Variants in PRELID2 observed in about 807,000 individuals in gnomAD.
The protein encoded by PRELID2 is PRELI domain-containing protein 2.
PRELID2 carries 25 observed loss-of-function variants against 28.4 expected under a neutral mutation model. The ratio of observed to expected loss-of-function variants is 0.88; its 90% CI spans 0.64 to 1.23. The LOEUF (loss-of-function observed/expected upper bound fraction) is 1.23. Ranked by LOEUF, PRELID2 falls within the 50% of genes most tolerant of loss-of-function variation. PRELID2 has a pLI of 0.00. For synonymous variants in PRELID2, 76 were observed against 71.6 expected (o/e 1.06, Z -0.31); for missense variants, 201 against 214.4 (o/e 0.94, Z 0.39).
At chr5:145,271,222 A>G in the PRELID2 span, among the ~76,000 whole-genome samples, 19 of 152,046 alleles carry the variant, frequency 1.2e-4, no homozygotes, top group African/African-American at 4.6e-4. Context: ...CATGTCCCTA[A>G]GGCAAATTCT....
intron 1 of PRELID2, among the ~76,000 whole-genome samples, chr5:145,725,722 T>C (rs539991351): frequency 1.2e-4 from 18 of 152,216 alleles, no homozygotes; most frequent in African/African-American, 4.3e-4. Context: ...TTTTCAAGAG[T>C]AGGCTTCTAC....
chr5:145,365,406 T>C, the PRELID2 span, among the ~76,000 whole-genome samples: 9 of 150,702 alleles, frequency 6.0e-5, no homozygotes, highest in African/African-American at 2.2e-4. Flanking sequence ...TGAATATTGC[T>C]TGTCAATTAA....
At chr5:145,303,972 A>G in the PRELID2 span, among the ~76,000 whole-genome samples, 9 of 152,288 alleles carry the variant, frequency 5.9e-5, no homozygotes, top group South Asian at 2.1e-4. Context: ...ATCGGTGAAA[A>G]TGGTATCCTG....
At chr5:145,530,173 G>A (rs897144247) in intron 1 of PRELID2, among the ~76,000 whole-genome samples, 1 of 152,092 alleles carries the variant, frequency 6.6e-6, no homozygotes, top group Admixed American at 6.6e-5. Flanking sequence ...CTGACTCCTA[G>A]TCCAATGCCC....
chr5:145,777,936 T>C (rs904956458), intron 5 of PRELID2, among the ~76,000 whole-genome samples: 8 of 152,158 alleles, frequency 5.3e-5, no homozygotes, highest in Admixed American at 4.6e-4. Flanking sequence ...GGGCCGAATC[T>C]GGACACCATG....
the PRELID2 span, among the ~76,000 whole-genome samples, chr5:145,266,946 T>C: frequency 1.3e-5 from 2 of 152,014 alleles, no homozygotes; most frequent in African/African-American, 4.8e-5. Context: ...AACCAAACAT[T>C]GTATGTTCTC....
At chr5:145,821,629 G>A (rs1223432491) in intron 2 of PRELID2, among the ~76,000 whole-genome samples, 1 of 152,180 alleles carries the variant, frequency 6.6e-6, no homozygotes, top group African/African-American at 2.4e-5. Flanking sequence ...AACCCTTGAT[G>A]CAAAAACCCT....
chr5:145,682,118 T>TA (rs1754948613), intron 1 of PRELID2, among the ~76,000 whole-genome samples: 1 of 151,028 alleles, frequency 6.6e-6, no homozygotes, highest in Non-Finnish European at 1.5e-5. Context: ...GTTTAGAATA[T>TA]AAAAATGTAG....
the PRELID2 span, among the ~76,000 whole-genome samples, chr5:145,305,838 C>T: frequency 6.6e-6 from 1 of 152,128 alleles, no homozygotes; most frequent in African/African-American, 2.4e-5. Flanking sequence ...TACACAGGCC[C>T]CCAGGGAAAT....
the PRELID2 span, among the ~76,000 whole-genome samples, chr5:145,232,410 A>G: frequency 1.3e-5 from 2 of 152,188 alleles, no homozygotes; most frequent in Non-Finnish European, 2.9e-5. Flanking sequence ...CTTCCAACCC[A>G]GGAAATCTGA....
At chr5:145,509,803 C>T (rs192612662) in intron 1 of PRELID2, among the ~76,000 whole-genome samples, 32 of 152,278 alleles carry the variant, frequency 2.1e-4, no homozygotes, top group Non-Finnish European at 3.7e-4. Flanking sequence ...CATCAAGCAT[C>T]TTGCCCAAAG....
the PRELID2 span, among the ~76,000 whole-genome samples, chr5:145,308,239 T>A: frequency 4.6e-5 from 7 of 152,180 alleles, no homozygotes; most frequent in Admixed American, 1.3e-4. Flanking sequence ...TGCACATATA[T>A]ATCCTGTCCA....
chr5:145,451,080 T>C, the PRELID2 span: 1 of 152,186 alleles, frequency 6.6e-6, no homozygotes, highest in Non-Finnish European at 1.5e-5. Flanking sequence ...CATTTCTTAA[T>C]ATACCTTTAC....
rs70998021 is a variant in PRELID2 at position 145,481,623 on chromosome 5, C to CAAAAAAAAAAAAAAA, written n.71-8323_71-8309dup. Among the ~76,000 whole-genome samples the CAAAAAAAAAAAAAAA allele has an allele frequency of 1.7e-3, 72 of 41,858 alleles. 1 individual carries two copies. The highest frequency in any genetic ancestry group is 5.2e-3 in the East Asian group (3 of 572). 27.5% of individuals were successfully genotyped at this position (41,858 alleles called of 152,430 possible). A position where few individuals can be genotyped will look rare whatever the true frequency, so the allele number is the denominator to read the frequency against. On this transcript the variant is annotated intron_variant and non_coding_transcript_variant, in intron 1 of 2. Coordinates refer to the PRELID2 transcript ENST00000510259. ...CTGGGTGATAAGAAAGCAAGGAAAT[C>CAAAAAAAAAAAAAAA]AAAAAAAAAAAAAAAAAAAAAAAAA...
intron 1 of PRELID2, among the ~76,000 whole-genome samples, chr5:145,703,161 C>T (rs962720431): frequency 6.6e-6 from 1 of 152,180 alleles, no homozygotes; most frequent in Non-Finnish European, 1.5e-5. Flanking sequence ...ACCAAGCAAA[C>T]ACAATCTATT....
intron 4 of PRELID2, among the ~76,000 whole-genome samples, chr5:145,804,813 G>A (rs1425424142): frequency 1.3e-5 from 2 of 152,184 alleles, no homozygotes; most frequent in East Asian, 3.9e-4. Flanking sequence ...GAAAGCTTAC[G>A]GGCATCCTGA....
At chr5:145,359,690 A>C in the PRELID2 span, among the ~76,000 whole-genome samples, 3 of 152,166 alleles carry the variant, frequency 2.0e-5, no homozygotes, top group African/African-American at 7.2e-5. Flanking sequence ...CTCATAGAAC[A>C]CTCTTCATTG....
rs906316170 is a variant in PRELID2, at chr5:145,604,896, T to C, written n.71-131581A>G. On this transcript the variant is annotated intron_variant and non_coding_transcript_variant, in intron 1 of 2. Coordinates refer to the PRELID2 transcript ENST00000510259. ...TGCTTGTTGGCCATATATATATATA[T>C]ATATATATTCTATTGAATTATATAT... Among the ~76,000 whole-genome samples the C allele has an allele frequency of 9.8e-5, 14 of 143,310 alleles. 1 individual carries two copies. Among genetic ancestry groups the C allele is most frequent in the African/African-American group, 3.7e-4 (14 of 38,158 alleles). 94.0% of individuals were successfully genotyped at this position (143,310 alleles called of 152,430 possible).
the PRELID2 span, among the ~76,000 whole-genome samples, chr5:145,418,466 C>CA: frequency 6.6e-6 from 1 of 152,128 alleles, no homozygotes; most frequent in Non-Finnish European, 1.5e-5. Context: ...CTGGAGGCAT[C>CA]ATGTTAACCA....
Sources: gnomAD v4.1 joint callset for allele counts (sites outside exome capture counted in the v4.1 genomes callset) on GRCh38, gnomAD v4.1.1 for gene constraint, MANE v1.5 for transcripts, NCBI Gene and HGNC (gene_info 2026-07-23, HGNC 2026-07-21) for gene names.